The following CCDC12 variants were observed in gnomAD, a reference collection of about 807,000 sequenced individuals.
The protein encoded by CCDC12 is coiled-coil domain containing 12.
Under a neutral mutation model 25.7 loss-of-function variants are expected in CCDC12, and 28 were observed. That is an observed-to-expected ratio of 1.09 (90% CI 0.81 to 1.50). The LOEUF (loss-of-function observed/expected upper bound fraction) is 1.50. Ranked by LOEUF, CCDC12 falls within the 40% of genes most tolerant of loss-of-function variation. The pLI, the probability that CCDC12 is intolerant of heterozygous loss-of-function variation, is 0.00. For synonymous variants in CCDC12, 75 were observed against 87.7 expected, an observed-to-expected ratio of 0.86 and a Z score of 0.81; for missense variants, 198 against 210.0, an observed-to-expected ratio of 0.94 and a Z score of 0.35.
intron 2 of CCDC12, among the ~76,000 whole-genome samples, chr3:46,939,289 T>C (rs1249364996): frequency 6.6e-6 from 1 of 152,102 alleles, no homozygotes; most frequent in African/African-American, 2.4e-5. Context: ...TGGTTCAACA[T>C]TCAAGCCTCT....
chr3:46,949,961 G>A (rs1369927581), intron 1 of CCDC12, among the ~76,000 whole-genome samples: 2 of 151,104 alleles, frequency 1.3e-5, no homozygotes, highest in African/African-American at 4.9e-5. Flanking sequence ...CAGAGGTAGT[G>A]GTTGCAGTGA....
chr3:46,978,437 C>T (rs7625011), upstream of CCDC12, among the ~76,000 whole-genome samples: 143,712 of 152,024 alleles, frequency 0.95, 68,491 homozygotes, highest in East Asian at 1. Context: ...GAGTAGCACC[C>T]CTCTGGGCCC....
In CCDC12 at chr3:46,923,380, C is replaced by T; in HGVS notation, c.307-17G>A. The T allele has an allele frequency of 6.7e-7, 1 of 1,500,230 alleles. No individual in the cohort carries two copies. The highest frequency in any genetic ancestry group is 8.9e-7 in the Non-Finnish European group (1 of 1,121,406). 92.9% of individuals were successfully genotyped at this position (1,500,230 alleles called of 1,614,324 possible). Reference sequence around the variant, plus strand: ...GGCCAGGTCCTGGGAAGGGAGGAGACACACATCAGGGTGGAGGGGCCACCC... The same window carrying T: ...GGCCAGGTCCTGGGAAGGGAGGAGATACACATCAGGGTGGAGGGGCCACCC... On this transcript the variant is annotated splice_polypyrimidine_tract_variant and intron_variant, in intron 4 of 6. Coordinates refer to ENST00000683445, the MANE Select transcript of CCDC12 (RefSeq NM_001277074.2).
At chr3:46,971,721 C>CA (rs2034807880) in intron 1 of CCDC12, among the ~76,000 whole-genome samples, 1 of 152,176 alleles carries the variant, frequency 6.6e-6, no homozygotes, top group South Asian at 2.1e-4. Context: ...AGGCCTCCAG[C>CA]AAAACCATGC....
intron 2 of CCDC12, among the ~76,000 whole-genome samples, chr3:46,931,784 G>A (rs1057164255): frequency 4.6e-5 from 7 of 152,208 alleles, no homozygotes; most frequent in South Asian, 2.1e-4. Context: ...GGAAGGCCAC[G>A]CCCAGGATGC....
chr3:46,940,913 G>C, intron 2 of CCDC12, 85 bp downstream of exon 2: 1 of 1,321,656 alleles, frequency 7.6e-7, no homozygotes, highest in Non-Finnish European at 1.1e-6. Flanking sequence ...GGCAGACACT[G>C]AACAGAGTTG....
chr3:46,976,627 C>T lies in CCDC12; in HGVS notation c.96+10G>A, dbSNP rs376394405. ...CGCCTCAACTGCGACCCTCACTCCA[C>T]ACTTCTCACCTTGCGCCCGGTTTTC... On this transcript the variant is annotated intron_variant, in intron 1 of 6. Transcript: ENST00000683445. 19 of 1,608,178 alleles carry T rather than the reference C, an allele frequency of 1.2e-5. No homozygotes were observed. The African/African-American group carries it at 2.3e-4, about 19-fold the overall frequency.
At chr3:46,939,826 G>A (rs369519876) in intron 2 of CCDC12, among the ~76,000 whole-genome samples, 2 of 152,308 alleles carry the variant, frequency 1.3e-5, no homozygotes, top group African/African-American at 2.4e-5. Flanking sequence ...GATGAGGCCC[G>A]CATGTGGGGA....
At position 46,965,064 on chromosome 3, in the gene CCDC12, C is replaced by T. The variant is rs528970914; in HGVS notation, c.96+11573G>A. 1.4e-4 allele frequency among the ~76,000 whole-genome samples: 21 copies of T among 152,174 alleles called. No homozygotes were observed. The East Asian group carries it at 4.1e-3, about 29-fold the overall frequency. On this transcript the variant is annotated intron_variant, in intron 1 of 6. Transcript: ENST00000683445. ...CTCCAAAGAGAAGATTAAGGACTCC[C>T]AAGCACACCCAGAAGACAGCTACTT...
intron 2 of CCDC12, among the ~76,000 whole-genome samples, chr3:46,935,114 G>A (rs956825615): frequency 1.3e-5 from 2 of 152,202 alleles, no homozygotes; most frequent in Non-Finnish European, 2.9e-5. Flanking sequence ...TTGAGCTGGG[G>A]AACAGATTTT....
At chr3:46,969,042 GC>G (rs2034721007) in intron 1 of CCDC12, among the ~76,000 whole-genome samples, 1 of 152,196 alleles carries the variant, frequency 6.6e-6, no homozygotes, top group Non-Finnish European at 1.5e-5. Flanking sequence ...AGGCTGCTGG[GC>G]CTGGGGATGT....
At position 46,976,543 on chromosome 3, in the gene CCDC12, T is replaced by C. The variant is rs895491984; in HGVS notation, c.96+94A>G. ...CCCGCGCATGCGCGCCCTCGGCAGC[T>C]GTCTTTCCTTATTAGCCCTTTGCTC... On this transcript the variant is annotated intron_variant, in intron 1 of 6. Transcript: ENST00000683445. The C allele has an allele frequency of 1.7e-5, 25 of 1,481,662 alleles. No individual in the cohort carries two copies. In the Admixed American group the frequency reaches 2.0e-4, roughly 12 times the overall value. 91.8% of individuals were successfully genotyped at this position (1,481,662 alleles called of 1,614,324 possible).
At chr3:46,957,708 A>G (rs7636191) in intron 1 of CCDC12, among the ~76,000 whole-genome samples, 143,781 of 152,178 alleles carry the variant, frequency 0.94, 68,496 homozygotes, top group East Asian at 1. Flanking sequence ...TCAGGAGGCC[A>G]AGGTGGGTGG....
At chr3:46,970,858 T>G (rs1162458212) in intron 1 of CCDC12, among the ~76,000 whole-genome samples, 1 of 152,194 alleles carries the variant, frequency 6.6e-6, no homozygotes, top group East Asian at 1.9e-4. Flanking sequence ...AGCCTTGAAC[T>G]GTTCACCTAC....
intron 1 of CCDC12, among the ~76,000 whole-genome samples, chr3:46,950,481 CTT>C (rs869066470): frequency 0.58 from 70,453 of 121,898 alleles, 17,490 homozygotes; most frequent in Admixed American, 0.66. Context: ...CCATGCACAG[CTT>C]TTTTTTTTTT....
chr3:46,933,148 C>T (rs1483589872), intron 2 of CCDC12, among the ~76,000 whole-genome samples: 1 of 152,192 alleles, frequency 6.6e-6, no homozygotes, highest in Non-Finnish European at 1.5e-5. Flanking sequence ...CTGCAGCCTA[C>T]CCCACAGTGG....
intron 2 of CCDC12, among the ~76,000 whole-genome samples, chr3:46,930,745 G>A (rs1160907812): frequency 6.6e-6 from 1 of 152,238 alleles, no homozygotes; most frequent in Non-Finnish European, 1.5e-5. Context: ...CGTCCATCAC[G>A]CTTAAAGAGC....
At chr3:46,979,736 T>C (rs1400720162), upstream of CCDC12, 2 of 313,848 alleles carry the variant, frequency 6.4e-6, no homozygotes, top group East Asian at 4.7e-5. Context: ...ACTTCCCCAG[T>C]AGTACCGCGC....
At chr3:46,963,908 T>G (rs2034546203) in intron 1 of CCDC12, among the ~76,000 whole-genome samples, 1 of 151,432 alleles carries the variant, frequency 6.6e-6, no homozygotes, top group Admixed American at 6.6e-5. Context: ...CATCTCTGCC[T>G]GGCCGCCCAT....
Sources: gnomAD v4.1 joint callset for allele counts (sites outside exome capture counted in the v4.1 genomes callset) on GRCh38, gnomAD v4.1.1 for gene constraint, MANE v1.5 for transcripts, NCBI Gene and HGNC (gene_info 2026-07-23, HGNC 2026-07-21) for gene names.